Variants in GRXCR2 observed in about 807,000 individuals in gnomAD.
GRXCR2 encodes glutaredoxin domain-containing cysteine-rich protein 2.
A neutral mutation model predicts 24.8 loss-of-function variants in GRXCR2; 23 were observed. That is an observed-to-expected ratio of 0.93 (90% CI 0.67 to 1.32). GRXCR2 has a LOEUF of 1.32. GRXCR2 is among the 40% of genes most tolerant of loss of function. The pLI is 0.00. For synonymous variants in GRXCR2, 130 were observed against 116.1 expected (o/e 1.12, Z -0.77); for missense variants, 315 against 303.4 (o/e 1.04, Z -0.28).
intron 2 of GRXCR2, among the ~76,000 whole-genome samples, chr5:145,886,686 C>T (rs1300549518): frequency 6.6e-6 from 1 of 152,102 alleles, no homozygotes; most frequent in Non-Finnish European, 1.5e-5. Flanking sequence ...TATTCCAGCA[C>T]TCTCCAATAA....
intron 2 of GRXCR2, among the ~76,000 whole-genome samples, chr5:145,906,096 G>A (rs531647325): frequency 6.6e-6 from 1 of 152,272 alleles, no homozygotes; most frequent in South Asian, 2.1e-4. Context: ...TGTTGGTAAT[G>A]CAGGATGAGC....
intron 2 of GRXCR2, among the ~76,000 whole-genome samples, chr5:145,894,333 T>G (rs1007097501): frequency 6.6e-6 from 1 of 152,086 alleles, no homozygotes; most frequent in East Asian, 1.9e-4. Flanking sequence ...AAAAAATCAA[T>G]GAATCCAGGA....
At chr5:145,862,173 A>G (rs1165905069) in intron 2 of GRXCR2, among the ~76,000 whole-genome samples, 2 of 152,208 alleles carry the variant, frequency 1.3e-5, no homozygotes, top group Non-Finnish European at 2.9e-5. Flanking sequence ...ACTGTGAGGG[A>G]AAGTACAGTA....
chr5:145,915,105 G>A (rs145516860), intron 2 of GRXCR2, among the ~76,000 whole-genome samples: 117 of 152,244 alleles, frequency 7.7e-4, no homozygotes, highest in Non-Finnish European at 1.4e-3. Context: ...GAGATCTGCT[G>A]TCCCACAGGC....
At chr5:145,921,735 C>T (rs1027043126) in intron 2 of GRXCR2, among the ~76,000 whole-genome samples, 1 of 152,176 alleles carries the variant, frequency 6.6e-6, no homozygotes, top group Non-Finnish European at 1.5e-5. Context: ...TACCAGGAAC[C>T]TTCCAAATCA....
chr5:145,929,556 G>A (rs1757452522), intron 2 of GRXCR2, among the ~76,000 whole-genome samples: 1 of 152,018 alleles, frequency 6.6e-6, no homozygotes, highest in Admixed American at 6.5e-5. Context: ...TAGGAAACTG[G>A]CTTTGGCACA....
chr5:145,889,230 A>T (rs1756826818), intron 2 of GRXCR2, among the ~76,000 whole-genome samples: 1 of 151,164 alleles, frequency 6.6e-6, no homozygotes, highest in South Asian at 2.1e-4. Flanking sequence ...GAAAGAAAGA[A>T]AGAAAGAAAG....
At chr5:145,918,613 C>T (rs540780009) in intron 2 of GRXCR2, among the ~76,000 whole-genome samples, 148 of 152,272 alleles carry the variant, frequency 9.7e-4, no homozygotes, top group African/African-American at 3.4e-3. Context: ...TTCCCATATG[C>T]CCAGCACTGT....
At chr5:145,908,635 G>T (rs574663569) in intron 2 of GRXCR2, among the ~76,000 whole-genome samples, 1 of 152,182 alleles carries the variant, frequency 6.6e-6, no homozygotes, top group African/African-American at 2.4e-5. Flanking sequence ...TATTTCTGAG[G>T]ATTCCTTTCA....
intron 2 of GRXCR2, among the ~76,000 whole-genome samples, chr5:145,894,830 A>T (rs957193698): frequency 6.6e-6 from 1 of 151,996 alleles, no homozygotes; most frequent in Non-Finnish European, 1.5e-5. Flanking sequence ...GACCCAATTA[A>T]AAAAAAGAGA....
At chr5:145,914,035 G>A (rs565600574) in intron 2 of GRXCR2, among the ~76,000 whole-genome samples, 3 of 152,292 alleles carry the variant, frequency 2.0e-5, no homozygotes, top group African/African-American at 7.2e-5. Context: ...GGTGGAGCTG[G>A]TGAGTAAAGG....
chr5:145,876,930 A>G (rs576455724), upstream of GRXCR2, among the ~76,000 whole-genome samples: 26 of 152,298 alleles, frequency 1.7e-4, no homozygotes, highest in South Asian at 4.1e-4. Flanking sequence ...GTAGCTCCAT[A>G]TATCCAAAGA....
chr5:145,916,000 C>A (rs1430714282), intron 2 of GRXCR2, among the ~76,000 whole-genome samples: 1 of 152,170 alleles, frequency 6.6e-6, no homozygotes, highest in Non-Finnish European at 1.5e-5. Context: ...GACACAGAGT[C>A]ACCATGCGGG....
At chr5:145,899,007 A>C (rs1713553241) in intron 2 of GRXCR2, among the ~76,000 whole-genome samples, 1 of 152,110 alleles carries the variant, frequency 6.6e-6, no homozygotes, top group East Asian at 1.9e-4. Flanking sequence ...TAGACCTTGA[A>C]AATCCTAAAG....
At chr5:145,925,314 T>G (rs558532763) in intron 2 of GRXCR2, among the ~76,000 whole-genome samples, 1 of 152,310 alleles carries the variant, frequency 6.6e-6, no homozygotes, top group African/African-American at 2.4e-5. Flanking sequence ...TCAGATATTG[T>G]CAATTAATAT....
intron 2 of GRXCR2, among the ~76,000 whole-genome samples, chr5:145,902,434 T>C (rs1458829626): frequency 1.3e-5 from 2 of 152,174 alleles, no homozygotes; most frequent in African/African-American, 4.8e-5. Context: ...AACATATAGA[T>C]GACCTCTGGG....
At chr5:145,894,638 T>C (rs1035744393) in intron 2 of GRXCR2, among the ~76,000 whole-genome samples, 2 of 152,164 alleles carry the variant, frequency 1.3e-5, no homozygotes, top group African/African-American at 4.8e-5. Flanking sequence ...GAGGCAATAG[T>C]TAATAGCTTA....
At chr5:145,868,362 T>C (rs762118398) in intron 1 of GRXCR2, among the ~76,000 whole-genome samples, 7 of 152,188 alleles carry the variant, frequency 4.6e-5, no homozygotes, top group Non-Finnish European at 1.0e-4. Flanking sequence ...AGCCAAAACC[T>C]GGCTTGAGCA....
intron 2 of GRXCR2, 69 bp downstream of exon 2, chr5:145,866,432 A>G (rs2149909819): frequency 8.9e-7 from 1 of 1,128,238 alleles, no homozygotes; most frequent in Non-Finnish European, 1.3e-6. Context: ...GCAGTGCACA[A>G]TCAAGCCAGC....
Sources: gnomAD v4.1 joint callset for allele counts (sites outside exome capture counted in the v4.1 genomes callset) on GRCh38, gnomAD v4.1.1 for gene constraint, MANE v1.5 for transcripts, NCBI Gene and HGNC (gene_info 2026-07-23, HGNC 2026-07-21) for gene names.